KAZN: variants seen among roughly 807,000 people sequenced by gnomAD.
The protein encoded by KAZN is kazrin, periplakin interacting protein, also known as kazrin.
KAZN carries 40 observed loss-of-function variants against 87.4 expected under a neutral mutation model. The ratio of observed to expected loss-of-function variants is 0.46; its 90% CI spans 0.36 to 0.60. The LOEUF is 0.60. KAZN is among the 20% of genes least tolerant of loss of function. The pLI is 0.00. For missense variants in KAZN, 898 were observed against 1,073.9 expected (o/e 0.84, Z 2.29); for synonymous variants, 466 against 458.3 (o/e 1.02, Z -0.22).
intron 2 of KAZN, among the ~76,000 whole-genome samples, chr1:15,030,753 C>G (rs2102224564): frequency 6.6e-6 from 1 of 152,368 alleles, no homozygotes; most frequent in Non-Finnish European, 1.5e-5. Flanking sequence ...CTCTACCATC[C>G]CAGCCCTTTA....
intron 2 of KAZN, among the ~76,000 whole-genome samples, chr1:14,436,728 A>AAAAAAAAAAAC (rs1553172254): frequency 0.019 from 563 of 29,302 alleles, 7 homozygotes; most frequent in African/African-American, 0.094. Flanking sequence ...AAAAAAAAAA[A>AAAAAAAAAAAC]AAAAAAAAAA....
At chr1:14,344,880 G>A (rs1053860507) in intron 2 of KAZN, among the ~76,000 whole-genome samples, 1 of 151,702 alleles carries the variant, frequency 6.6e-6, no homozygotes, top group Non-Finnish European at 1.5e-5. Flanking sequence ...TAGCTTCAGG[G>A]ACTCAACACA....
At chr1:14,081,244 A>G (rs1643662405) in intron 1 of KAZN, among the ~76,000 whole-genome samples, 1 of 152,184 alleles carries the variant, frequency 6.6e-6, no homozygotes, top group African/African-American at 2.4e-5. Flanking sequence ...GGCCATGTCC[A>G]AGCACTCCTG....
intron 1 of KAZN, among the ~76,000 whole-genome samples, chr1:14,706,024 TC>T (rs924719526): frequency 6.6e-5 from 10 of 152,204 alleles, no homozygotes; most frequent in Middle Eastern, 3.4e-3. Flanking sequence ...GAGCTCCGCC[TC>T]CTGGAGCTCA....
rs1553181094 is a variant in KAZN at position 13,981,089 on chromosome 1, T to TATATA, written c.91+87333_91+87334insATATA. On this transcript the variant is annotated intron_variant, in intron 1 of 16. Coordinates refer to the KAZN transcript ENST00000636203. ...TTGGAGAGGTATAAAAAATTACTCT[T>TATATA]TATATATATATATATATATATGTAT... Among the ~76,000 whole-genome samples the TATATA allele has an allele frequency of 1.6e-4, 10 of 63,132 alleles. 1 individual carries two copies. The highest frequency in any genetic ancestry group is 5.7e-4 in the East Asian group (2 of 3,516). The allele number at this position is 63,132 out of a possible 152,430, so 41.4% of individuals were successfully genotyped here. A position where few individuals can be genotyped will look rare whatever the true frequency, so the allele number is the denominator to read the frequency against.
At chr1:14,828,491 A>G (rs1297946444) in intron 1 of KAZN, among the ~76,000 whole-genome samples, 1 of 152,200 alleles carries the variant, frequency 6.6e-6, no homozygotes, top group African/African-American at 2.4e-5. Flanking sequence ...AGGAGGGTGC[A>G]TGAGCTCTGG....
chr1:14,331,789 T>C (rs1656877270), intron 2 of KAZN, among the ~76,000 whole-genome samples: 1 of 152,216 alleles, frequency 6.6e-6, no homozygotes, highest in Admixed American at 6.5e-5. Flanking sequence ...ATAACCATTT[T>C]CCCAATTTCC....
chr1:14,958,484 A>G (rs1006747875), intron 1 of KAZN, among the ~76,000 whole-genome samples: 1 of 151,248 alleles, frequency 6.6e-6, no homozygotes, highest in Admixed American at 6.6e-5. Flanking sequence ...CTTCCTGTGT[A>G]CATGGAGCAC....
chr1:14,537,377 T>A (rs974332376), intron 2 of KAZN, among the ~76,000 whole-genome samples: 1 of 152,264 alleles, frequency 6.6e-6, no homozygotes, highest in Non-Finnish European at 1.5e-5. Flanking sequence ...AACATGGCAA[T>A]GTGACTGGGG....
At chr1:14,392,609 T>C (rs1223931113) in intron 2 of KAZN, among the ~76,000 whole-genome samples, 1 of 152,156 alleles carries the variant, frequency 6.6e-6, no homozygotes. Flanking sequence ...TCATTCTTTG[T>C]TGTGGGAGTG....
chr1:14,385,688 TA>T (rs1450186466), intron 2 of KAZN, among the ~76,000 whole-genome samples: 1 of 151,992 alleles, frequency 6.6e-6, no homozygotes, highest in African/African-American at 2.4e-5. Flanking sequence ...TAGTTTGTTA[TA>T]ATTTCTGTTC....
intron 2 of KAZN, among the ~76,000 whole-genome samples, chr1:15,003,139 C>G (rs559881897): frequency 6.6e-6 from 1 of 152,250 alleles, no homozygotes; most frequent in South Asian, 2.1e-4. Context: ...GGGATTTGGA[C>G]TTGGGTTACG....
chr1:14,002,941 C>T (rs1374505652), intron 1 of KAZN, among the ~76,000 whole-genome samples: 1 of 152,078 alleles, frequency 6.6e-6, no homozygotes, highest in African/African-American at 2.4e-5. Context: ...ATAGCAAATT[C>T]GTGGAACCAA....
intron 2 of KAZN, among the ~76,000 whole-genome samples, chr1:14,490,993 G>A (rs1381563534): frequency 2.0e-5 from 3 of 152,116 alleles, no homozygotes; most frequent in Non-Finnish European, 4.4e-5. Context: ...AAACTAATTG[G>A]AGAAGAATTG....
chr1:13,893,703 G>A, exon 1 of KAZN: 1 of 1,550,452 alleles, frequency 6.4e-7, no homozygotes, highest in Non-Finnish European at 8.7e-7. Context: ...TCTGCCACAG[G>A]CCCCGTCACC....
intron 1 of KAZN, among the ~76,000 whole-genome samples, chr1:14,754,192 ACCCT>A (rs1181374912): frequency 6.6e-6 from 1 of 152,148 alleles, no homozygotes; most frequent in East Asian, 1.9e-4. Context: ...TGCAGGGCCC[ACCCT>A]GGGCTTTCTG....
intron 11 of KAZN, 102 bp downstream of exon 11, chr1:15,101,876 T>C (rs371583631): frequency 2.8e-6 from 2 of 723,794 alleles, no homozygotes; most frequent in South Asian, 3.4e-5. Context: ...CGTCTATCCA[T>C]CTGTCCACCC....
intron 2 of KAZN, among the ~76,000 whole-genome samples, chr1:14,384,986 A>G (rs1444969096): frequency 6.6e-6 from 1 of 151,042 alleles, no homozygotes; most frequent in Non-Finnish European, 1.5e-5. Flanking sequence ...TATTGCCACA[A>G]TTTCAGATCC....
chr1:14,187,704 T>C (rs1316326895), intron 2 of KAZN, among the ~76,000 whole-genome samples: 1 of 152,204 alleles, frequency 6.6e-6, no homozygotes, highest in African/African-American at 2.4e-5. Context: ...TGCTAAACTC[T>C]CTACAATGCA....
Sources: gnomAD v4.1 joint callset for allele counts (sites outside exome capture counted in the v4.1 genomes callset) on GRCh38, gnomAD v4.1.1 for gene constraint, MANE v1.5 for transcripts, NCBI Gene and HGNC (gene_info 2026-07-23, HGNC 2026-07-21) for gene names.